Variants in ETS2 observed in about 807,000 individuals in gnomAD.
ETS2 encodes protein C-ets-2.
In ETS2, 19 loss-of-function variants were observed where a neutral mutation model predicts 54.9. The observed-to-expected ratio is 0.35, with a 90% CI of 0.24 to 0.51. The LOEUF (loss-of-function observed/expected upper bound fraction) is 0.51, where lower values mean the gene tolerates loss of function less well. Among genes scored for constraint, ETS2 ranks in the 20% least tolerant of loss-of-function variants. The pLI, the probability that ETS2 is intolerant of heterozygous loss-of-function variation, is 0.97. For synonymous variants in ETS2, 219 were observed against 229.3 expected (o/e 0.95, Z 0.41); for missense variants, 417 against 593.0 (o/e 0.70, Z 3.08).
At position 38,821,040 on chromosome 21, in the gene ETS2, C is replaced by T. The variant is rs546402769; in HGVS notation, c.1076-546C>T. Among the ~76,000 whole-genome samples the T allele has an allele frequency of 5.6e-4, 85 of 152,274 alleles. No homozygotes were observed. The highest frequency in any genetic ancestry group is 3.4e-3 in the Middle Eastern group (1 of 294). On this transcript the variant is annotated intron_variant, in intron 8 of 9. Transcript: ENST00000360938. The surrounding 1 kb of genome is among the most constrained non-coding windows in gnomAD (Gnocchi z 4.2). ...TCACCAGACAGAGGCTGTGAGGCAA[C>T]GGGTGTGACCCCGCGTGGCTATTGA...
intron 6 of ETS2, 113 bp from the exon 7 acceptor site, chr21:38,818,312 G>A: frequency 6.9e-7 from 1 of 1,449,382 alleles, no homozygotes; most frequent in South Asian, 1.2e-5. Flanking sequence ...CTCCACTGAG[G>A]TTCTGCAGAG....
rs927370497 is a variant in ETS2 at position 38,805,951 on chromosome 21, C to T, written c.-170C>T. On this transcript the variant is annotated 5_prime_UTR_variant, in exon 1 of 10. It adds an upstream start codon to the 5' untranslated region. Coordinates refer to ENST00000360938, the MANE Select transcript of ETS2 (RefSeq NM_005239.6). The surrounding 1 kb of genome is among the most constrained non-coding windows in gnomAD (Gnocchi z 5.2). ...CCCGGTTACTTCCTCCAGAGACTGA[C>T]GAGTGCGGTGTCGCTCCAGCTCAGA... 5.5e-6 allele frequency: 7 copies of T among 1,270,426 alleles called. No homozygotes were observed. Among genetic ancestry groups the T allele is most frequent in the African/African-American group, 3.2e-5 (2 of 63,320 alleles). 78.7% of individuals were successfully genotyped at this position (1,270,426 alleles called of 1,614,324 possible).
rs2060895963 is a variant in ETS2, at chr21:38,806,977, G to T, written c.-1+857G>T. Among the ~76,000 whole-genome samples, 1 of 152,214 alleles carries T rather than the reference G, an allele frequency of 6.6e-6. No individual in the cohort carries two copies. The highest frequency in any genetic ancestry group is 6.5e-5 in the Admixed American group (1 of 15,284). ...GTAAAGAAATGAGCAGTCCCCTTTG[G>T]AGACAGGAGTAATTTATTTTAATTC... On this transcript the variant is annotated intron_variant, in intron 1 of 9. Coordinates refer to ENST00000360938, the MANE Select transcript of ETS2 (RefSeq NM_005239.6). This position sits in a 1 kb window ranked among gnomAD's most constrained non-coding sequence, Gnocchi z 4.3.
At chr21:38,811,120 G>C (rs576925427) in intron 2 of ETS2, among the ~76,000 whole-genome samples, 1 of 151,670 alleles carries the variant, frequency 6.6e-6, no homozygotes, top group Non-Finnish European at 1.5e-5. Context: ...AGAAGCAGTC[G>C]TTGCTGAAAT....
chr21:38,806,535 C>A lies in ETS2; in HGVS notation c.-1+415C>A, dbSNP rs941703438. 3.0e-6 allele frequency: 3 copies of A among 985,404 alleles called. No homozygotes were observed. The African/African-American group carries it at 5.2e-5, about 17-fold the overall frequency. 61.0% of individuals were successfully genotyped at this position (985,404 alleles called of 1,614,324 possible). Reference sequence around the variant, plus strand: ...GAACGGGAGTGGGGGCACAGGAGAGCGTGTCCGAGGTGGCCTGGCGCCCCG... The same window carrying A: ...GAACGGGAGTGGGGGCACAGGAGAGAGTGTCCGAGGTGGCCTGGCGCCCCG... On this transcript the variant is annotated intron_variant, in intron 1 of 9. Coordinates refer to ENST00000360938, the MANE Select transcript of ETS2 (RefSeq NM_005239.6). The surrounding 1 kb of genome is among the most constrained non-coding windows in gnomAD (Gnocchi z 4.3).
At chr21:38,809,972 C>T in intron 1 of ETS2, 63 bp from the exon 2 acceptor site, 1 of 1,069,344 alleles carries the variant, frequency 9.4e-7, no homozygotes, top group East Asian at 2.7e-5. Context: ...CTTGATGCCA[C>T]CAATGATGAG....
Position 38,817,008 on chromosome 21 carries a change from A to G in ETS2, c.506A>G (p.Glu169Gly). 3 of 1,603,032 alleles carry G rather than the reference A, an allele frequency of 1.9e-6. No homozygotes were observed. The highest frequency in any genetic ancestry group is 2.6e-6 in the Non-Finnish European group (3 of 1,170,038). ...LWEHLEQMIK[E>G]NQEKTEDQYE... ...TACGTCTCCTGTGTCTGCTTTTCAG[A>G]AAACCAAGAAAAGACAGAAGATCAA... The change falls in exon 6 of 10, where the codon GAA (glutamate) becomes GGA (glycine). Residue 169 changes from glutamate (E) to glycine (G), a missense_variant and splice_region_variant. Glu to Gly is a moderately conservative substitution (Grantham distance 98). Coordinates refer to ENST00000360938, the MANE Select transcript of ETS2 (RefSeq NM_005239.6).
intron 5 of ETS2, among the ~76,000 whole-genome samples, chr21:38,815,612 C>G (rs1263168939): frequency 6.6e-6 from 1 of 151,554 alleles, no homozygotes. Context: ...GCAGGGAGAC[C>G]AATGTTTAAA....
At chr21:38,807,359 A>T (rs183005689) in intron 1 of ETS2, among the ~76,000 whole-genome samples, 5 of 151,814 alleles carry the variant, frequency 3.3e-5, no homozygotes, top group African/African-American at 7.2e-5. Context: ...GTTGTCAGGC[A>T]AATTCTCCTT....
At position 38,821,447 on chromosome 21, in the gene ETS2, C is replaced by T; in HGVS notation, c.1076-139C>T. 3 of 714,698 alleles carry T rather than the reference C, an allele frequency of 4.2e-6. No homozygotes were observed. Among genetic ancestry groups the T allele is most frequent in the South Asian group, 3.2e-5 (2 of 61,882 alleles). 44.3% of individuals were successfully genotyped at this position (714,698 alleles called of 1,614,324 possible). A position where few individuals can be genotyped will look rare whatever the true frequency, so the allele number is the denominator to read the frequency against. ...CTGTCACCAACACCTTGAGTGCCAC[C>T]CTGAGTGTAACATCGGAACCCCATT... On this transcript the variant is annotated intron_variant, in intron 8 of 9. Transcript: ENST00000360938. This position sits in a 1 kb window ranked among gnomAD's most constrained non-coding sequence, Gnocchi z 4.2.
chr21:38,823,131 C>A lies in ETS2; in HGVS notation c.*242C>A, dbSNP rs1190465290. On this transcript the variant is annotated 3_prime_UTR_variant, in exon 10 of 10. Transcript: ENST00000360938. Reference sequence around the variant, plus strand: ...TAAGTGAAAATGGTCGAGAAAGAGGCACCAGGAAGCCGTCCTGGCGCCTGG... The same window carrying A: ...TAAGTGAAAATGGTCGAGAAAGAGGAACCAGGAAGCCGTCCTGGCGCCTGG... The A allele has an allele frequency of 1.9e-5, 7 of 373,378 alleles. No homozygotes were observed. Among genetic ancestry groups the A allele is most frequent in the Non-Finnish European group, 2.9e-5 (6 of 209,154 alleles). 23.1% of individuals were successfully genotyped at this position (373,378 alleles called of 1,614,324 possible).
intron 2 of ETS2, 70 bp downstream of exon 2, chr21:38,810,176 G>A: frequency 1.1e-6 from 1 of 950,400 alleles, no homozygotes; most frequent in Non-Finnish European, 1.5e-6. Flanking sequence ...GAAAAAAAAG[G>A]CCTGGGTCCC....
At position 38,814,256 on chromosome 21, in the gene ETS2, G is replaced by A. The variant is rs906365360; in HGVS notation, c.185-17G>A. On this transcript the variant is annotated splice_polypyrimidine_tract_variant and intron_variant, in intron 3 of 9. Coordinates refer to ENST00000360938, the MANE Select transcript of ETS2 (RefSeq NM_005239.6). The surrounding 1 kb of genome is among the most constrained non-coding windows in gnomAD (Gnocchi z 4.2). ...CAACTTGAAGTCCTAATGTCCCCAT[G>A]GGGGGTTTCCTTCCAGACTCCGCCA... is the stretch of plus-strand genomic sequence containing the variant. The A allele has an allele frequency of 6.2e-6, 10 of 1,612,548 alleles. No individual in the cohort carries two copies. Among genetic ancestry groups the A allele is most frequent in the Non-Finnish European group, 8.5e-6 (10 of 1,179,210 alleles).
chr21:38,806,139 G>A lies in ETS2; in HGVS notation c.-1+19G>A. 2.0e-6 allele frequency: 2 copies of A among 1,010,566 alleles called. No homozygotes were observed. Among genetic ancestry groups the A allele is most frequent in the Non-Finnish European group, 2.4e-6 (2 of 845,334 alleles). 62.6% of individuals were successfully genotyped at this position (1,010,566 alleles called of 1,614,324 possible). Reference sequence around the variant, plus strand: ...CGGCAGGGTAAGAGCTGGGCCCGCAGAGAGCGCCCGGCGCGCGGCTCCAGT... The same window carrying A: ...CGGCAGGGTAAGAGCTGGGCCCGCAAAGAGCGCCCGGCGCGCGGCTCCAGT... On this transcript the variant is annotated intron_variant, in intron 1 of 9. Transcript: ENST00000360938. This position sits in a 1 kb window ranked among gnomAD's most constrained non-coding sequence, Gnocchi z 4.3.
In ETS2 at chr21:38,819,223, T is replaced by C. The variant is rs528118700; in HGVS notation, c.812-280T>C. On this transcript the variant is annotated intron_variant, in intron 7 of 9. Coordinates refer to ENST00000360938, the MANE Select transcript of ETS2 (RefSeq NM_005239.6). Reference sequence around the variant, plus strand: ...TTTTACTCATCATGTCTGGGATTCATGCATGTTGTTGGATGTAGCAGCCAT... The same window carrying C: ...TTTTACTCATCATGTCTGGGATTCACGCATGTTGTTGGATGTAGCAGCCAT... Among the ~76,000 whole-genome samples, 11 of 152,378 alleles carry C rather than the reference T, an allele frequency of 7.2e-5. No homozygotes were observed. The South Asian group carries it at 1.9e-3, about 26-fold the overall frequency.
Position 38,819,442 on chromosome 21 carries a change from C to T in ETS2, c.812-61C>T, listed in dbSNP as rs551178042. The T allele has an allele frequency of 2.7e-4, 417 of 1,532,012 alleles. No homozygotes were observed. In the Admixed American group the frequency reaches 6.4e-3, roughly 23 times the overall value. 94.9% of individuals were successfully genotyped at this position (1,532,012 alleles called of 1,614,324 possible). On this transcript the variant is annotated intron_variant, in intron 7 of 9. Transcript: ENST00000360938. ...TGGTAGTGGTTGGTGATGCTATGGT[C>T]GTGCCCAAGACCAACTGTGTCCTGG...
chr21:38,819,873 T>A, intron 8 of ETS2, 107 bp downstream of exon 8: 3 of 1,099,400 alleles, frequency 2.7e-6, no homozygotes, highest in Non-Finnish European at 3.9e-6. Flanking sequence ...CTAAGCTAGG[T>A]ACACCAGTGC....
At chr21:38,812,088 T>A (rs1339496188) in intron 2 of ETS2, among the ~76,000 whole-genome samples, 1 of 152,224 alleles carries the variant, frequency 6.6e-6, no homozygotes, top group African/African-American at 2.4e-5. Flanking sequence ...AATTTTGTCA[T>A]GTATTACTAT....
Position 38,816,529 on chromosome 21 carries a change from G to A in ETS2, c.506-479G>A, listed in dbSNP as rs149703535. Among the ~76,000 whole-genome samples, 391 of 152,206 alleles carry A rather than the reference G, an allele frequency of 2.6e-3. 1 individual carries two copies. Among genetic ancestry groups the A allele is most frequent in the African/African-American group, 8.9e-3 (370 of 41,524 alleles). ...AACCTTTTCCCTTTCAAAGTTCTTG[G>A]GCACATGTGTTCCCCATCCCAGACT... On this transcript the variant is annotated intron_variant, in intron 5 of 9. Coordinates refer to ENST00000360938, the MANE Select transcript of ETS2 (RefSeq NM_005239.6).
Sources: allele counts gnomAD v4.1 joint callset (sites outside exome capture counted in the v4.1 genomes callset), GRCh38; gene constraint gnomAD v4.1.1; non-coding constraint Gnocchi (gnomAD v3.1); transcripts MANE v1.5; gene names NCBI Gene and HGNC (gene_info 2026-07-23, HGNC 2026-07-21).